The following NEO1 variants were observed in gnomAD, a reference collection of about 807,000 sequenced individuals.
NEO1 encodes the protein neogenin.
Under a neutral mutation model 159.7 loss-of-function variants are expected in NEO1, and 63 were observed. The observed-to-expected ratio is 0.39, with a 90% confidence interval of 0.32 to 0.49. NEO1 has a LOEUF of 0.49. Ranked by LOEUF, NEO1 falls within the 20% of genes least tolerant of loss-of-function variation. The pLI, the probability that NEO1 is intolerant of heterozygous loss-of-function variation, is 0.85. For missense variants in NEO1, 1,615 were observed against 1,831.0 expected, an observed-to-expected ratio of 0.88 and a Z score of 2.15; for synonymous variants, 633 against 662.0, an observed-to-expected ratio of 0.96 and a Z score of 0.67.
intron 7 of NEO1, among the ~76,000 whole-genome samples, chr15:73,232,402 C>G (rs967885407): frequency 1.2e-4 from 19 of 152,316 alleles, no homozygotes; most frequent in Non-Finnish European, 2.4e-4. Flanking sequence ...CAGTTATGCT[C>G]AAATACCTCA....
chr15:73,171,435 G>A (rs562145376), intron 5 of NEO1, among the ~76,000 whole-genome samples: 68 of 151,696 alleles, frequency 4.5e-4, no homozygotes, highest in African/African-American at 1.5e-3. Context: ...GTGGTGGTGC[G>A]TTCCTGTAGT....
intron 1 of NEO1, among the ~76,000 whole-genome samples, chr15:73,082,209 C>G (rs1188357798): frequency 1.3e-5 from 2 of 152,110 alleles, no homozygotes; most frequent in Non-Finnish European, 2.9e-5. Context: ...TGGATTCTTG[C>G]CTTTGTGGCC....
At position 73,270,452 on chromosome 15, in the gene NEO1, T is replaced by C. The variant is rs531663009; in HGVS notation, c.2855T>C (p.Leu952Ser). The C allele has an allele frequency of 5.6e-6, 9 of 1,608,722 alleles. No homozygotes were observed. The Admixed American group carries it at 1.5e-4, about 27-fold the overall frequency. ...SMTAHGTTFE[L>S]VPTSPPKDVT... ...ACAGCCCATGGGACCACCTTTGAAT[T>C]AGGTATGTGTTGTCAGAAGCCATGT... Residue 952 changes from leucine (L) to serine (S), a missense_variant and splice_region_variant, in exon 18 of 29, where the codon TTA becomes TCA. Leu to Ser is a moderately radical substitution (Grantham distance 145, BLOSUM62 -2). This residue lies in a region of NEO1 where 126 missense variants were observed against 216.7 expected (regional missense o/e 0.58). Transcript: ENST00000261908.
chr15:73,265,786 A>C (rs891315987), intron 15 of NEO1, among the ~76,000 whole-genome samples: 3 of 152,160 alleles, frequency 2.0e-5, no homozygotes, highest in African/African-American at 7.2e-5. Context: ...CTTTTGAGCC[A>C]CATGAGGCAT....
At chr15:73,223,318 A>T (rs1282346250) in intron 7 of NEO1, among the ~76,000 whole-genome samples, 1 of 152,058 alleles carries the variant, frequency 6.6e-6, no homozygotes, top group Non-Finnish European at 1.5e-5. Context: ...GGTATAGTTT[A>T]AATCTATTGT....
chr15:73,172,986 G>A (rs1036308033), intron 5 of NEO1, among the ~76,000 whole-genome samples: 10 of 152,188 alleles, frequency 6.6e-5, no homozygotes, highest in African/African-American at 2.2e-4. Context: ...ACTTTGGCAC[G>A]AGTGACTGCA....
intron 8 of NEO1, among the ~76,000 whole-genome samples, chr15:73,238,220 A>G (rs143377908): frequency 1.9e-3 from 183 of 95,658 alleles, no homozygotes; most frequent in African/African-American, 7.8e-3. Context: ...ACATCACCCT[A>G]TTTTTTGGTA....
In NEO1 at chr15:73,270,299, A is replaced by C. The variant is rs950234501; in HGVS notation, c.2719-17A>C. The stretch of plus-strand genomic sequence containing the variant: ...GATACTTTCTAATTTTAAAGTCTCA[A>C]TTCATGTTTTTTTCAGAATGCAAAT... On this transcript the variant is annotated splice_polypyrimidine_tract_variant and intron_variant, in intron 17 of 28. Coordinates refer to ENST00000261908, the MANE Select transcript of NEO1 (RefSeq NM_002499.4). 4 of 1,613,964 alleles carry C rather than the reference A, an allele frequency of 2.5e-6. No individual in the cohort carries two copies. The highest frequency in any genetic ancestry group is 3.4e-6 in the Non-Finnish European group (4 of 1,179,992).
At chr15:73,152,972 G>A (rs1475415920) in intron 5 of NEO1, among the ~76,000 whole-genome samples, 1 of 152,134 alleles carries the variant, frequency 6.6e-6, no homozygotes, top group African/African-American at 2.4e-5. Context: ...TGATTATGGA[G>A]GCTGAGAAGT....
chr15:73,186,465 T>C (rs1220127565), intron 7 of NEO1, among the ~76,000 whole-genome samples: 1 of 152,170 alleles, frequency 6.6e-6, no homozygotes, highest in Admixed American at 6.5e-5. Context: ...ACAAGAAATG[T>C]GAAAGGAGAA....
At chr15:73,141,178 C>T (rs1309630818) in intron 5 of NEO1, among the ~76,000 whole-genome samples, 2 of 152,050 alleles carry the variant, frequency 1.3e-5, no homozygotes, top group African/African-American at 4.8e-5. Context: ...ATTTATTTTT[C>T]AGATAGGGAA....
chr15:73,199,857 T>C (rs2036756763), intron 7 of NEO1, among the ~76,000 whole-genome samples: 1 of 152,162 alleles, frequency 6.6e-6, no homozygotes, highest in Admixed American at 6.5e-5. Context: ...GGAGGAACAC[T>C]GTGTCTTCCG....
chr15:73,274,103 A>T lies in NEO1; in HGVS notation c.3160+98A>T. 4.4e-6 allele frequency: 5 copies of T among 1,145,214 alleles called. No homozygotes were observed. In the South Asian group the frequency reaches 7.8e-5, roughly 18 times the overall value. 70.9% of individuals were successfully genotyped at this position (1,145,214 alleles called of 1,614,324 possible). A position where few individuals can be genotyped will look rare whatever the true frequency, so the allele number is the denominator to read the frequency against. ...ATATAGAGTCTGTGGATAGTATATG[A>T]AGTCTTAATGATGAGCTTGTGAGCC... On this transcript the variant is annotated intron_variant, in intron 20 of 28. Transcript: ENST00000261908.
At chr15:73,069,702 AATAG>A (rs1348913396) in intron 1 of NEO1, among the ~76,000 whole-genome samples, 3 of 152,182 alleles carry the variant, frequency 2.0e-5, no homozygotes, top group South Asian at 2.1e-4. Flanking sequence ...ACGCACATAT[AATAG>A]ATATAATTTA....
intron 3 of NEO1, among the ~76,000 whole-genome samples, chr15:73,125,089 G>T (rs1167658282): frequency 2.0e-5 from 3 of 152,196 alleles, no homozygotes; most frequent in Non-Finnish European, 2.9e-5. Flanking sequence ...AACAAGATTT[G>T]TAGTGTCAAA....
chr15:73,225,869 T>G (rs1056161886), intron 7 of NEO1, among the ~76,000 whole-genome samples: 1 of 152,076 alleles, frequency 6.6e-6, no homozygotes, highest in African/African-American at 2.4e-5. Flanking sequence ...CCCTGTGGTG[T>G]TTTTCCCCAC....
intron 26 of NEO1, 87 bp downstream of exon 26, chr15:73,293,635 A>C: frequency 7.3e-7 from 1 of 1,369,006 alleles, no homozygotes; most frequent in Non-Finnish European, 9.9e-7. Context: ...TACTTAGAAG[A>C]GGGATTTGGA....
intron 7 of NEO1, among the ~76,000 whole-genome samples, chr15:73,226,485 T>C (rs943579009): frequency 2.0e-5 from 3 of 152,202 alleles, no homozygotes; most frequent in African/African-American, 4.8e-5. Context: ...TGAGAAATGC[T>C]AGGTTAACAA....
chr15:73,130,528 G>A (rs187358659), intron 4 of NEO1, among the ~76,000 whole-genome samples: 23 of 152,226 alleles, frequency 1.5e-4, no homozygotes, highest in African/African-American at 4.3e-4. Flanking sequence ...GTCAAACACC[G>A]CAGAAGAAAC....
Sources: gnomAD v4.1 joint callset for allele counts (sites outside exome capture counted in the v4.1 genomes callset) on GRCh38, gnomAD v4.1.1 for gene constraint, gnomAD v4.1.1 regional missense constraint, MANE v1.5 for transcripts, NCBI Gene and HGNC (gene_info 2026-07-23, HGNC 2026-07-21) for gene names.